The following SLC16A2 variants were observed in gnomAD, a reference collection of about 807,000 sequenced individuals.
The protein encoded by SLC16A2 is solute carrier family 16 member 2, also known as monocarboxylate transporter 8.
A neutral mutation model predicts 27.2 loss-of-function variants in SLC16A2; 3 were observed. The ratio of observed to expected loss-of-function variants is 0.11; its 90% confidence interval spans 0.05 to 0.28. SLC16A2 has a LOEUF of 0.28. SLC16A2 is among the 10% of genes least tolerant of loss of function. SLC16A2 has a pLI of 1.00. For synonymous variants in SLC16A2, 202 were observed against 187.8 expected (o/e 1.08, Z -0.62); for missense variants, 295 against 458.5 (o/e 0.64, Z 3.26).
intron 1 of SLC16A2, among the ~76,000 whole-genome samples, chrX:74,512,286 G>A (rs1048261881): frequency 3.6e-5 from 4 of 112,398 alleles, no homozygotes; most frequent in Admixed American, 9.4e-5. Flanking sequence ...CGGCAACACA[G>A]AATCCAATTC....
Position 74,531,832 on chromosome X carries a change from T to C in SLC16A2, c.*279T>C. On this transcript the variant is annotated 3_prime_UTR_variant, in exon 6 of 6. Coordinates refer to ENST00000587091, the MANE Select transcript of SLC16A2 (RefSeq NM_006517.5). ...CTTTGGAACCTCTCCATATACTTTCTAAGCTCTGGGGGAGGAGGAGGATGG... is the reference window on the plus strand; with the variant it reads ...CTTTGGAACCTCTCCATATACTTTCCAAGCTCTGGGGGAGGAGGAGGATGG... The C allele has an allele frequency of 2.5e-6, 1 of 393,458 alleles. No homozygotes were observed. The highest frequency in any genetic ancestry group is 4.4e-5 in the East Asian group (1 of 22,657). 32.4% of individuals were successfully genotyped at this position (393,458 alleles called of 1,213,427 possible). A position where few individuals can be genotyped will look rare whatever the true frequency, so the allele number is the denominator to read the frequency against.
chrX:74,477,706 A>G lies in SLC16A2; in HGVS notation c.431-43284A>G, dbSNP rs760701587. On this transcript the variant is annotated intron_variant, in intron 1 of 5. Transcript: ENST00000587091. The stretch of plus-strand genomic sequence containing the variant: ...TCTTTGTTCTCATTGGTTTCCAAGA[A>G]CATCTTTATTTCTGCCTTCATTTCG... Among the ~76,000 whole-genome samples, 23 of 112,070 alleles carry G rather than the reference A, an allele frequency of 2.1e-4. 1 individual carries two copies. The South Asian group carries it at 8.6e-3, about 42-fold the overall frequency.
At chrX:74,514,014 T>C (rs1227796393) in intron 1 of SLC16A2, among the ~76,000 whole-genome samples, 2 of 111,899 alleles carry the variant, frequency 1.8e-5, no homozygotes, top group Non-Finnish European at 3.8e-5. Context: ...AAAATATACA[T>C]TTAGTATTAA....
At chrX:74,509,093 G>C (rs762999561) in intron 1 of SLC16A2, among the ~76,000 whole-genome samples, 1 of 110,980 alleles carries the variant, frequency 9.0e-6, no homozygotes, top group South Asian at 3.9e-4. Context: ...CTCTTGAGTA[G>C]CTGGAACTCC....
intron 1 of SLC16A2, among the ~76,000 whole-genome samples, chrX:74,488,639 T>G (rs1929766746): frequency 9.0e-6 from 1 of 111,700 alleles, no homozygotes; most frequent in Non-Finnish European, 1.9e-5. Context: ...TTACTAACAT[T>G]ATTACGACTT....
chrX:74,481,278 G>A (rs1929614592), intron 1 of SLC16A2, among the ~76,000 whole-genome samples: 1 of 111,708 alleles, frequency 9.0e-6, no homozygotes, highest in Admixed American at 9.5e-5. Context: ...GTGAAGGATT[G>A]GTATTAATTA....
At chrX:74,511,570 A>G (rs187007599) in intron 1 of SLC16A2, among the ~76,000 whole-genome samples, 2 of 112,480 alleles carry the variant, frequency 1.8e-5, no homozygotes, top group Admixed American at 1.9e-4. Context: ...ATTATAATGA[A>G]GAAAAAAGTA....
chrX:74,481,406 G>A (rs182186884), intron 1 of SLC16A2, among the ~76,000 whole-genome samples: 1 of 111,698 alleles, frequency 9.0e-6, no homozygotes, highest in African/African-American at 3.2e-5. Context: ...GTTAAATTCA[G>A]ATTTTCTGTT....
intron 1 of SLC16A2, among the ~76,000 whole-genome samples, chrX:74,432,139 C>T (rs1197258700): frequency 2.7e-5 from 3 of 111,463 alleles, no homozygotes; most frequent in Non-Finnish European, 5.6e-5. Context: ...GTAGGAGTTG[C>T]TACGGGTTGG....
intron 1 of SLC16A2, among the ~76,000 whole-genome samples, chrX:74,500,445 A>G (rs1399419504): frequency 9.0e-6 from 1 of 111,527 alleles, no homozygotes; most frequent in Non-Finnish European, 1.9e-5. Flanking sequence ...TACAGGTGGT[A>G]TTTGGTTACC....
At chrX:74,490,005 A>ACACACACACACG (rs1440039577) in intron 1 of SLC16A2, among the ~76,000 whole-genome samples, 9 of 108,540 alleles carry the variant, frequency 8.3e-5, no homozygotes, top group Non-Finnish European at 1.7e-4. Flanking sequence ...ACACACACAC[A>ACACACACACACG]CACGCAAAGA....
chrX:74,501,154 G>A (rs990445604), intron 1 of SLC16A2, among the ~76,000 whole-genome samples: 1 of 110,644 alleles, frequency 9.0e-6, no homozygotes, highest in African/African-American at 3.3e-5. Context: ...AGGAGATTAA[G>A]TTTGAAAGGT....
At chrX:74,529,181 C>T in intron 4 of SLC16A2, 32 bp from the exon 5 acceptor site, 1 of 1,099,368 alleles carries the variant, frequency 9.1e-7, no homozygotes, top group African/African-American at 1.8e-5. Flanking sequence ...GGCTGGCCAG[C>T]ACAACCTGAC....
intron 1 of SLC16A2, among the ~76,000 whole-genome samples, chrX:74,486,166 C>T (rs1929718484): frequency 9.0e-6 from 1 of 111,658 alleles, no homozygotes; most frequent in Admixed American, 9.5e-5. Flanking sequence ...TCTTTACTAC[C>T]TGATTGGTCA....
intron 3 of SLC16A2, 108 bp from the exon 4 acceptor site, chrX:74,525,642 C>A (rs764080248): frequency 3.2e-6 from 3 of 943,226 alleles, no homozygotes; most frequent in South Asian, 4.0e-5. Flanking sequence ...GGGTTTCTGT[C>A]CTGCTCCAGG....
intron 1 of SLC16A2, among the ~76,000 whole-genome samples, chrX:74,470,717 C>G (rs904646791): frequency 9.0e-6 from 1 of 111,233 alleles, no homozygotes. Context: ...GAGGCCGAGG[C>G]GGGCAGATCA....
At chrX:74,467,943 A>C (rs1366721232) in intron 1 of SLC16A2, among the ~76,000 whole-genome samples, 1 of 111,110 alleles carries the variant, frequency 9.0e-6, no homozygotes, top group East Asian at 2.8e-4. Flanking sequence ...TTCTTCATTC[A>C]CACCATATCA....
chrX:74,489,103 AT>A (rs1459266928), intron 1 of SLC16A2, among the ~76,000 whole-genome samples: 1 of 111,958 alleles, frequency 8.9e-6, no homozygotes. Context: ...AAAAACTGTG[AT>A]AGTCATTCCT....
At chrX:74,450,476 T>A (rs998880009) in intron 1 of SLC16A2, among the ~76,000 whole-genome samples, 7 of 111,433 alleles carry the variant, frequency 6.3e-5, no homozygotes, top group African/African-American at 2.0e-4. Flanking sequence ...GAGTTCATAA[T>A]TCTGTGATCC....
Sources: gnomAD v4.1 joint callset for allele counts (sites outside exome capture counted in the v4.1 genomes callset) on GRCh38, gnomAD v4.1.1 for gene constraint, MANE v1.5 for transcripts, NCBI Gene and HGNC (gene_info 2026-07-23, HGNC 2026-07-21) for gene names.